SPSB1: variants seen among roughly 807,000 people sequenced by gnomAD.
The protein encoded by SPSB1 is SPRY domain-containing SOCS box protein 1.
A neutral mutation model predicts 21.2 loss-of-function variants in SPSB1; 8 were observed. That is an observed-to-expected ratio of 0.38 (90% CI 0.22 to 0.68). The LOEUF (loss-of-function observed/expected upper bound fraction) is 0.68. Among genes scored for constraint, SPSB1 ranks in the 30% least tolerant of loss-of-function variants. The pLI, the probability that SPSB1 is intolerant of heterozygous loss-of-function variation, is 0.53. For synonymous variants in SPSB1, 169 were observed against 161.7 expected (o/e 1.05, Z -0.34); for missense variants, 242 against 377.8 (o/e 0.64, Z 2.98).
chr1:9,358,042 G>T (rs1640403704), intron 2 of SPSB1, among the ~76,000 whole-genome samples: 1 of 152,166 alleles, frequency 6.6e-6, no homozygotes, highest in African/African-American at 2.4e-5. Flanking sequence ...CCCCCCACCA[G>T]AGGTCAGGAA....
chr1:9,338,535 C>A (rs1476455151), intron 1 of SPSB1, among the ~76,000 whole-genome samples: 1 of 152,268 alleles, frequency 6.6e-6, no homozygotes, highest in Non-Finnish European at 1.5e-5. Context: ...CCAGCTCCGG[C>A]CTCGCCCAGG....
chr1:9,340,055 G>A (rs1232912408), intron 1 of SPSB1, among the ~76,000 whole-genome samples: 2 of 152,232 alleles, frequency 1.3e-5, no homozygotes, highest in Admixed American at 6.5e-5. Flanking sequence ...TGCCATTCAG[G>A]GGCAGTAGCC....
intron 1 of SPSB1, among the ~76,000 whole-genome samples, chr1:9,319,993 G>A (rs1007905165): frequency 2.0e-5 from 3 of 152,060 alleles, no homozygotes; most frequent in Admixed American, 6.5e-5. Flanking sequence ...CAGGACCCTC[G>A]ACTTCTCAGG....
At chr1:9,295,452 G>A (rs902302845) in intron 1 of SPSB1, among the ~76,000 whole-genome samples, 1 of 152,184 alleles carries the variant, frequency 6.6e-6, no homozygotes, top group African/African-American at 2.4e-5. Context: ...TGGGTTTCAG[G>A]GCTCTTAGGA....
At chr1:9,315,980 C>T (rs770907896) in intron 1 of SPSB1, among the ~76,000 whole-genome samples, 2 of 152,204 alleles carry the variant, frequency 1.3e-5, no homozygotes, top group Non-Finnish European at 2.9e-5. Context: ...CTGCAGCCAG[C>T]GGGGCCTCTT....
At chr1:9,359,421 C>T (rs190234544) in intron 2 of SPSB1, among the ~76,000 whole-genome samples, 110 of 152,208 alleles carry the variant, frequency 7.2e-4, no homozygotes, top group Admixed American at 2.0e-3. Context: ...TGTCGTTCTG[C>T]GGCTGGGCGC....
rs1322745579 is a variant in SPSB1, at chr1:9,294,412, A to G, written c.-150+1341A>G. On this transcript the variant is annotated intron_variant, in intron 1 of 2. Coordinates refer to ENST00000328089, the MANE Select transcript of SPSB1 (RefSeq NM_025106.4). ...CCATCCAGGGGGCCCTCTGGTTCCT[A>G]GGTACTGCTCCTCATGGTGATTTCT... 2.6e-5 allele frequency: 4 copies of G among 152,306 alleles called. No homozygotes were observed. The East Asian group carries it at 5.8e-4, about 22-fold the overall frequency. The allele number at this position is 152,306 out of a possible 1,614,324, so 9.4% of individuals were successfully genotyped here.
intron 1 of SPSB1, among the ~76,000 whole-genome samples, chr1:9,330,696 C>T (rs1639900899): frequency 1.6e-5 from 1 of 61,010 alleles, no homozygotes; most frequent in South Asian, 6.2e-4. Flanking sequence ...GGAGCATGTT[C>T]TTCTGAACTT....
intron 1 of SPSB1, among the ~76,000 whole-genome samples, chr1:9,352,094 G>T (rs1640268865): frequency 6.6e-6 from 1 of 152,212 alleles, no homozygotes; most frequent in Non-Finnish European, 1.5e-5. Context: ...GTGGAGGGAA[G>T]GTGGGTGGAG....
At chr1:9,364,381 G>C (rs1219757244) in intron 2 of SPSB1, among the ~76,000 whole-genome samples, 3 of 152,270 alleles carry the variant, frequency 2.0e-5, no homozygotes, top group African/African-American at 7.2e-5. Flanking sequence ...GATCTTGGCT[G>C]CATGGGACTT....
chr1:9,318,058 C>T (rs1382576457), intron 1 of SPSB1, among the ~76,000 whole-genome samples: 1 of 152,218 alleles, frequency 6.6e-6, no homozygotes, highest in African/African-American at 2.4e-5. Flanking sequence ...TTCCCCTTTC[C>T]GGGCAGGTTG....
intron 2 of SPSB1, among the ~76,000 whole-genome samples, chr1:9,359,627 G>A (rs1051674405): frequency 2.0e-5 from 3 of 151,512 alleles, no homozygotes; most frequent in Non-Finnish European, 4.4e-5. Flanking sequence ...GCTTGAACCC[G>A]GGAGGTGGAG....
intron 1 of SPSB1, among the ~76,000 whole-genome samples, chr1:9,299,447 T>C (rs1570167402): frequency 6.6e-6 from 1 of 152,108 alleles, no homozygotes; most frequent in East Asian, 1.9e-4. Context: ...GAGACCAGCC[T>C]GGGCAACACA....
intron 1 of SPSB1, among the ~76,000 whole-genome samples, chr1:9,349,844 G>A (rs1297062421): frequency 1.3e-5 from 2 of 152,078 alleles, no homozygotes. Context: ...GGAAAATGTT[G>A]CTAGGAGTTC....
At chr1:9,312,889 G>A (rs115107389) in intron 1 of SPSB1, among the ~76,000 whole-genome samples, 3 of 152,282 alleles carry the variant, frequency 2.0e-5, no homozygotes, top group Admixed American at 6.5e-5. Flanking sequence ...AGTGCGTGCC[G>A]ATTGTCCAAA....
At chr1:9,333,848 C>T (rs920980463) in intron 1 of SPSB1, among the ~76,000 whole-genome samples, 22 of 152,184 alleles carry the variant, frequency 1.4e-4, no homozygotes, top group Admixed American at 4.6e-4. Flanking sequence ...AGCGCGGCTC[C>T]GGGGAAAACA....
At chr1:9,306,408 T>A (rs1354465374) in intron 1 of SPSB1, among the ~76,000 whole-genome samples, 1 of 152,132 alleles carries the variant, frequency 6.6e-6, no homozygotes, top group African/African-American at 2.4e-5. Flanking sequence ...TGGAGGGGGC[T>A]GTGGGAGGTG....
chr1:9,318,383 G>A (rs114365151), intron 1 of SPSB1, among the ~76,000 whole-genome samples: 3,767 of 152,322 alleles, frequency 0.025, 145 homozygotes, highest in African/African-American at 0.085. Context: ...GCATTTCCAG[G>A]CTGCCTTGCG....
intron 1 of SPSB1, among the ~76,000 whole-genome samples, chr1:9,330,893 C>T (rs74051625): frequency 0.069 from 10,538 of 151,898 alleles, 899 homozygotes; most frequent in African/African-American, 0.2. Flanking sequence ...CCAAGGGTTC[C>T]GGTTTCTCCA....
Sources: allele counts gnomAD v4.1 joint callset (sites outside exome capture counted in the v4.1 genomes callset), GRCh38; gene constraint gnomAD v4.1.1; transcripts MANE v1.5; gene names NCBI Gene and HGNC (gene_info 2026-07-23, HGNC 2026-07-21).